Variants in HERC3 observed in about 807,000 individuals in gnomAD.
HERC3 encodes HECT and RLD domain containing E3 ubiquitin protein ligase 3, also known as probable E3 ubiquitin-protein ligase HERC3.
In HERC3, 58 loss-of-function variants were observed where a neutral mutation model predicts 129.9. The ratio of observed to expected loss-of-function variants is 0.45; its 90% CI spans 0.36 to 0.56. HERC3 has a LOEUF of 0.56. HERC3 is among the 20% of genes least tolerant of loss of function. HERC3 has a pLI of 0.00. For missense variants in HERC3, 835 were observed against 1,244.2 expected (o/e 0.67, Z 4.95); for synonymous variants, 430 against 451.0 (o/e 0.95, Z 0.59).
chr4:88,539,907 A>G, the HERC3 span, among the ~76,000 whole-genome samples: 1 of 152,198 alleles, frequency 6.6e-6, no homozygotes, highest in African/African-American at 2.4e-5. Context: ...AACAAAAAGG[A>G]CATCCACACC....
At position 88,652,879 on chromosome 4, in the gene HERC3, C is replaced by G. The variant is rs1729446436; in HGVS notation, c.474C>G (p.Phe158Leu). 2 of 1,608,732 alleles carry G rather than the reference C, an allele frequency of 1.2e-6. No homozygotes were observed. The highest frequency in any genetic ancestry group is 1.7e-6 in the Non-Finnish European group (2 of 1,176,486). ...ATCCTGTTATTTCAGATGGCCAGTTCTTCACCTGGGGAAAGAACAGCCATG... is the reference window on the plus strand; with the variant it reads ...ATCCTGTTATTTCAGATGGCCAGTTGTTCACCTGGGGAAAGAACAGCCATG... ...HCLALAADGQ[F>L]FTWGKNSHGQ... The change falls in exon 6 of 26, where the codon TTC becomes TTG. Residue 158 changes from phenylalanine to leucine, a missense_variant. By Grantham distance (22) the Phe-to-Leu change is conservative. Transcript: ENST00000402738.
intron 3 of HERC3, among the ~76,000 whole-genome samples, chr4:88,610,183 A>AGT (rs1348149374): frequency 6.6e-6 from 1 of 152,154 alleles, no homozygotes. Flanking sequence ...GGCCAGGTGC[A>AGT]GTGGCTCACG....
chr4:88,631,452 G>A (rs1726746350), intron 3 of HERC3, among the ~76,000 whole-genome samples: 1 of 152,096 alleles, frequency 6.6e-6, no homozygotes, highest in Admixed American at 6.5e-5. Context: ...GTGAGATTCT[G>A]TCTCAAAAAA....
At chr4:88,555,126 A>G in the HERC3 span, among the ~76,000 whole-genome samples, 1,884 of 152,176 alleles carry the variant, frequency 0.012, 37 homozygotes, top group African/African-American at 0.043. Context: ...TGTACTAAAA[A>G]TACAAAAATT....
chr4:88,544,287 A>C, the HERC3 span, among the ~76,000 whole-genome samples: 3 of 152,248 alleles, frequency 2.0e-5, no homozygotes, highest in Non-Finnish European at 2.9e-5. Context: ...TCTCAAAAGA[A>C]GACATTTGTG....
At chr4:88,529,845 T>C in the HERC3 span, among the ~76,000 whole-genome samples, 1 of 152,214 alleles carries the variant, frequency 6.6e-6, no homozygotes, top group African/African-American at 2.4e-5. Context: ...TTTTATTTAA[T>C]AAAGTAGTTT....
intron 13 of HERC3, 77 bp from the exon 14 acceptor site, chr4:88,667,815 A>G: frequency 9.2e-7 from 1 of 1,083,406 alleles, no homozygotes; most frequent in Non-Finnish European, 1.4e-6. Flanking sequence ...AGTCTATCAA[A>G]TAGCTTATGA....
At chr4:88,683,110 A>G (rs2149319722) in intron 21 of HERC3, among the ~76,000 whole-genome samples, 1 of 152,260 alleles carries the variant, frequency 6.6e-6, no homozygotes, top group East Asian at 1.9e-4. Context: ...TTTTGGCTGC[A>G]TAAATGTCTT....
rs1731164422 is a variant in HERC3 at position 88,667,400 on chromosome 4, G to C, written c.1355G>C (p.Ser452Thr). 1 of 1,601,884 alleles carries C rather than the reference G, an allele frequency of 6.2e-7. No individual in the cohort carries two copies. The highest frequency in any genetic ancestry group is 8.5e-7 in the Non-Finnish European group (1 of 1,174,228). ...AGAATTGATGAACATTTTAAAACGA[G>C]TCCCAAAATCCCTGGGATTGACCTG... ...EKKIDEHFKTSPKIPGIDLNS... is the reference protein window; with the variant it reads ...EKKIDEHFKTTPKIPGIDLNS... The change falls in exon 13 of 26, where the codon AGT (serine) becomes ACT (threonine). Residue 452 changes from serine to threonine, a missense_variant. Transcript: ENST00000402738.
intron 23 of HERC3, chr4:88,697,428 A>G: frequency 6.2e-7 from 1 of 1,614,064 alleles, no homozygotes; most frequent in Non-Finnish European, 8.5e-7. Context: ...AGATGTCATT[A>G]TACTTTTTTT....
intron 23 of HERC3, chr4:88,697,232 C>T (rs1734692276): frequency 2.0e-6 from 3 of 1,527,164 alleles, no homozygotes; most frequent in Non-Finnish European, 2.6e-6. Flanking sequence ...TCAGGCATCT[C>T]GGCGTGGGCA....
chr4:88,538,645 G>A, the HERC3 span, among the ~76,000 whole-genome samples: 2 of 150,776 alleles, frequency 1.3e-5, no homozygotes, highest in Non-Finnish European at 1.5e-5. Flanking sequence ...CTGGGTTCAC[G>A]CTATTCTCCT....
intron 3 of HERC3, among the ~76,000 whole-genome samples, chr4:88,619,744 A>G (rs532930146): frequency 2.0e-5 from 3 of 152,184 alleles, no homozygotes; most frequent in Non-Finnish European, 4.4e-5. Context: ...ATGCTAGAGT[A>G]CCTTTAATTT....
chr4:88,541,408 T>C, the HERC3 span, among the ~76,000 whole-genome samples: 3 of 152,180 alleles, frequency 2.0e-5, no homozygotes, highest in Non-Finnish European at 2.9e-5. Flanking sequence ...TAAATATATA[T>C]GTACCTAATA....
chr4:88,544,541 T>G, the HERC3 span, among the ~76,000 whole-genome samples: 1 of 152,154 alleles, frequency 6.6e-6, no homozygotes, highest in Non-Finnish European at 1.5e-5. Flanking sequence ...AGTAGAAATA[T>G]CATTTGACCC....
intron 3 of HERC3, among the ~76,000 whole-genome samples, chr4:88,637,938 A>T (rs749138080): frequency 6.6e-6 from 1 of 151,896 alleles, no homozygotes; most frequent in Non-Finnish European, 1.5e-5. Flanking sequence ...AATACAAACT[A>T]CCTTCAGAGA....
At chr4:88,667,629 A>T in intron 13 of HERC3, 141 bp downstream of exon 13, 3 of 643,860 alleles carry the variant, frequency 4.7e-6, no homozygotes, top group Non-Finnish European at 8.0e-6. Context: ...TGGGAATTAG[A>T]CCTACCTTTT....
the HERC3 span, among the ~76,000 whole-genome samples, chr4:88,557,822 T>G: frequency 2.6e-5 from 4 of 151,854 alleles, no homozygotes; most frequent in African/African-American, 9.7e-5. Context: ...TTTGGGAGGC[T>G]GAGGCGGGCA....
chr4:88,706,430 A>G (rs1187726768), intron 25 of HERC3, among the ~76,000 whole-genome samples: 1 of 152,222 alleles, frequency 6.6e-6, no homozygotes, highest in Admixed American at 6.5e-5. Flanking sequence ...ACTTGAGGTG[A>G]GAGGAGACCC....
Sources: gnomAD v4.1 joint callset for allele counts (sites outside exome capture counted in the v4.1 genomes callset) on GRCh38, gnomAD v4.1.1 for gene constraint, MANE v1.5 for transcripts, NCBI Gene and HGNC (gene_info 2026-07-23, HGNC 2026-07-21) for gene names.